Variants in FRMD4B observed in about 807,000 individuals in gnomAD.
FRMD4B encodes the protein FERM domain containing 4B.
Under a neutral mutation model 141.5 loss-of-function variants are expected in FRMD4B, and 74 were observed. The observed-to-expected ratio is 0.52, with a 90% CI of 0.43 to 0.63. The LOEUF is 0.63. FRMD4B is among the 30% of genes least tolerant of loss of function. The pLI is 0.00. For synonymous variants in FRMD4B, 506 were observed against 467.9 expected, an observed-to-expected ratio of 1.08 and a Z score of -1.05; for missense variants, 1,366 against 1,253.4, an observed-to-expected ratio of 1.09 and a Z score of -1.36.
chr3:69,534,915 A>G (rs1016895036), intron 1 of FRMD4B, among the ~76,000 whole-genome samples: 2 of 152,252 alleles, frequency 1.3e-5, no homozygotes, highest in African/African-American at 2.4e-5. Context: ...TGTGGCACAT[A>G]GTTGGTGTTC....
At chr3:69,464,106 ACT>A (rs960029303) in intron 1 of FRMD4B, among the ~76,000 whole-genome samples, 5 of 152,134 alleles carry the variant, frequency 3.3e-5, no homozygotes, top group Non-Finnish European at 7.3e-5. Flanking sequence ...CCACGTGCAG[ACT>A]CTGCTGCTCT....
chr3:69,255,206 A>T (rs983944559), intron 5 of FRMD4B, among the ~76,000 whole-genome samples: 2 of 152,232 alleles, frequency 1.3e-5, no homozygotes, highest in Non-Finnish European at 2.9e-5. Flanking sequence ...ATATTTAGGG[A>T]TAAACAGGTA....
intron 5 of FRMD4B, among the ~76,000 whole-genome samples, chr3:69,261,071 C>T (rs967000476): frequency 5.3e-5 from 8 of 152,218 alleles, no homozygotes; most frequent in African/African-American, 1.4e-4. Flanking sequence ...CCAGATTTCG[C>T]AACCTGCTTG....
At chr3:69,404,428 A>G (rs1704618800) in intron 2 of FRMD4B, among the ~76,000 whole-genome samples, 1 of 152,218 alleles carries the variant, frequency 6.6e-6, no homozygotes, top group Non-Finnish European at 1.5e-5. Context: ...TAGAGTTAGA[A>G]GCATCAAATA....
At chr3:69,461,479 C>A (rs1005978962) in intron 1 of FRMD4B, among the ~76,000 whole-genome samples, 2 of 151,818 alleles carry the variant, frequency 1.3e-5, no homozygotes, top group African/African-American at 2.4e-5. Flanking sequence ...TAAAAATTAT[C>A]CAGGCATGGT....
chr3:69,223,351 T>C (rs533404619), intron 8 of FRMD4B, among the ~76,000 whole-genome samples: 8 of 152,032 alleles, frequency 5.3e-5, no homozygotes, highest in Non-Finnish European at 1.2e-4. Flanking sequence ...CCTTCTCTAC[T>C]GAAGATACAA....
At chr3:69,344,223 A>T (rs889799418) in intron 1 of FRMD4B, among the ~76,000 whole-genome samples, 4 of 152,174 alleles carry the variant, frequency 2.6e-5, no homozygotes, top group Non-Finnish European at 5.9e-5. Context: ...TGCCGTACTT[A>T]GTTTGTCCCT....
chr3:69,267,213 C>T (rs148923437), intron 5 of FRMD4B, among the ~76,000 whole-genome samples: 1 of 152,110 alleles, frequency 6.6e-6, no homozygotes, highest in African/African-American at 2.4e-5. Flanking sequence ...ATCCATATTT[C>T]ACAAATTGAG....
chr3:69,375,789 T>C (rs985022110), intron 1 of FRMD4B, among the ~76,000 whole-genome samples: 1 of 152,078 alleles, frequency 6.6e-6, no homozygotes, highest in African/African-American at 2.4e-5. Context: ...TAAAATGGGG[T>C]TCATAATATC....
intron 13 of FRMD4B, chr3:69,196,679 A>G (rs2092908817): frequency 3.5e-6 from 2 of 578,108 alleles, no homozygotes; most frequent in Non-Finnish European, 6.0e-6. Context: ...GTATATACAA[A>G]CGTGCATGCC....
chr3:69,233,100 C>G (rs572381029), intron 7 of FRMD4B, among the ~76,000 whole-genome samples: 3 of 151,834 alleles, frequency 2.0e-5, no homozygotes, highest in Non-Finnish European at 4.4e-5. Flanking sequence ...ACCTGAAACC[C>G]AAACCAAAGG....
chr3:69,419,933 T>C (rs893068159), intron 2 of FRMD4B, among the ~76,000 whole-genome samples: 1 of 152,348 alleles, frequency 6.6e-6, no homozygotes, highest in South Asian at 2.1e-4. Flanking sequence ...CTTGGCTCAC[T>C]GCAACCTCTG....
intron 5 of FRMD4B, among the ~76,000 whole-genome samples, chr3:69,281,622 G>A (rs1249673542): frequency 1.3e-5 from 2 of 151,718 alleles, no homozygotes; most frequent in Non-Finnish European, 2.9e-5. Flanking sequence ...TCAGGAGTTC[G>A]AGACCAGCCT....
chr3:69,252,052 G>A (rs745915394), intron 5 of FRMD4B, among the ~76,000 whole-genome samples: 1 of 152,112 alleles, frequency 6.6e-6, no homozygotes, highest in Non-Finnish European at 1.5e-5. Flanking sequence ...AAAGTAAATT[G>A]AAAATTACTG....
At chr3:69,278,663 T>G (rs1220085433) in intron 5 of FRMD4B, among the ~76,000 whole-genome samples, 3 of 151,852 alleles carry the variant, frequency 2.0e-5, no homozygotes, top group Admixed American at 2.0e-4. Context: ...CTCGGCTTAC[T>G]GCAACCTCCA....
At chr3:69,428,242 G>T (rs1252874812) in intron 2 of FRMD4B, among the ~76,000 whole-genome samples, 1 of 151,538 alleles carries the variant, frequency 6.6e-6, no homozygotes, top group Middle Eastern at 3.4e-3. Context: ...AACCAGTTCT[G>T]CATCTCACTA....
chr3:69,347,165 AG>A (rs761799322), intron 1 of FRMD4B, among the ~76,000 whole-genome samples: 7 of 152,254 alleles, frequency 4.6e-5, no homozygotes, highest in Non-Finnish European at 1.0e-4. Context: ...AAACAAAAAA[AG>A]GCAAGGGTTG....
At chr3:69,302,203 ATAAT>A in intron 4 of FRMD4B, 136 bp downstream of exon 4, 1 of 631,076 alleles carries the variant, frequency 1.6e-6, no homozygotes, top group South Asian at 1.9e-5. Flanking sequence ...CCTTCACATG[ATAAT>A]GTTTTGATAG....
intron 1 of FRMD4B, among the ~76,000 whole-genome samples, chr3:69,313,984 A>G (rs553891299): frequency 1.2e-3 from 181 of 148,060 alleles, no homozygotes; most frequent in Non-Finnish European, 1.5e-3. Context: ...CTAAAAATAC[A>G]AAAAATTAGC....
Sources: gnomAD v4.1 joint callset for allele counts (sites outside exome capture counted in the v4.1 genomes callset) on GRCh38, gnomAD v4.1.1 for gene constraint, MANE v1.5 for transcripts, NCBI Gene and HGNC (gene_info 2026-07-23, HGNC 2026-07-21) for gene names.